Variants in BAZ2B observed in about 807,000 individuals in gnomAD.
The protein encoded by BAZ2B is bromodomain adjacent to zinc finger domain 2B.
In BAZ2B, 91 loss-of-function variants were observed where a neutral mutation model predicts 246.0. The ratio of observed to expected loss-of-function variants is 0.37; its 90% CI spans 0.31 to 0.44. The LOEUF is 0.44. Ranked by LOEUF, BAZ2B falls within the 20% of genes least tolerant of loss-of-function variation. The probability of loss-of-function intolerance (pLI) is 1.00; values close to 1 mark genes in which losing one functional copy is unlikely to be tolerated. For missense variants in BAZ2B, 2,332 were observed against 2,533.7 expected (o/e 0.92, Z 1.71); for synonymous variants, 855 against 860.0 (o/e 0.99, Z 0.10).
rs370164306 is a variant in BAZ2B, at chr2:159,415,629, A to G, written c.2467-3084T>C. ...AGTTAATTCCTTCAGTATGAAGGTT[A>G]AGGAAATTTTTAAAACGTGTTTTTC... On this transcript the variant is annotated intron_variant, in intron 13 of 36. Coordinates refer to ENST00000392783, the MANE Select transcript of BAZ2B (RefSeq NM_013450.4). 9.7e-4 allele frequency among the ~76,000 whole-genome samples: 147 copies of G among 152,268 alleles called. 5 individuals are homozygous for G. In the South Asian group the frequency reaches 0.03, roughly 31 times the overall value.
chr2:159,413,580 C>G lies in BAZ2B; in HGVS notation c.2467-1035G>C, dbSNP rs547508865. On this transcript the variant is annotated intron_variant, in intron 13 of 36. Transcript: ENST00000392783. ...AAAATCAGCTGGGTGTGGTGACAGG[C>G]ACCTGTAATCCCAGCTACTCGGGAG... 7.9e-5 allele frequency among the ~76,000 whole-genome samples: 12 copies of G among 152,156 alleles called. No individual in the cohort carries two copies. The South Asian group carries it at 2.5e-3, about 32-fold the overall frequency.
At chr2:159,658,994 G>C in the BAZ2B span, among the ~76,000 whole-genome samples, 1 of 152,112 alleles carries the variant, frequency 6.6e-6, no homozygotes, top group Admixed American at 6.6e-5. Context: ...GAGAGATTTT[G>C]ATCTGTACTT....
chr2:159,711,495 T>C, the BAZ2B span, among the ~76,000 whole-genome samples: 5 of 152,240 alleles, frequency 3.3e-5, no homozygotes, highest in Admixed American at 2.6e-4. Context: ...AGAAACACTG[T>C]GTTTCATTTA....
the BAZ2B span, among the ~76,000 whole-genome samples, chr2:159,680,926 A>C: frequency 1.3e-5 from 2 of 152,190 alleles, no homozygotes. Flanking sequence ...TAAATATATT[A>C]CAGTGTAACA....
chr2:159,567,741 C>T (rs1230870197), intron 1 of BAZ2B, among the ~76,000 whole-genome samples: 1 of 152,148 alleles, frequency 6.6e-6, no homozygotes, highest in African/African-American at 2.4e-5. Flanking sequence ...CAGGAGGCTG[C>T]AGCGGGCAGC....
At chr2:159,417,463 G>A (rs2067955617) in intron 13 of BAZ2B, among the ~76,000 whole-genome samples, 1 of 152,114 alleles carries the variant, frequency 6.6e-6, no homozygotes, top group Non-Finnish European at 1.5e-5. Context: ...GCGCCACCAA[G>A]CCTGGACAAG....
At position 159,512,354 on chromosome 2, in the gene BAZ2B, G is replaced by T. The variant is rs1255255053; in HGVS notation, c.-2-33633C>A. On this transcript the variant is annotated intron_variant, in intron 2 of 36. Coordinates refer to ENST00000392783, the MANE Select transcript of BAZ2B (RefSeq NM_013450.4). ...AAAATATGGCATTGTCACCTCAAAA[G>T]TAAGTATGTTTCAAAGAAAAACCAT... Among the ~76,000 whole-genome samples the T allele has an allele frequency of 2.0e-5, 3 of 152,244 alleles. No homozygotes were observed. In the East Asian group the frequency reaches 5.8e-4, roughly 29 times the overall value.
intron 3 of BAZ2B, 149 bp from the exon 4 acceptor site, chr2:159,453,950 C>A (rs2075405356): frequency 3.4e-6 from 2 of 596,278 alleles, no homozygotes; most frequent in Non-Finnish European, 4.9e-6. Flanking sequence ...CTCTTCAAAC[C>A]CTATAAAATG....
chr2:159,339,127 A>C (rs10174093), intron 31 of BAZ2B, among the ~76,000 whole-genome samples: 31,767 of 152,028 alleles, frequency 0.21, 3,404 homozygotes, highest in Middle Eastern at 0.27. Context: ...ACTCAGTAGA[A>C]TATTTATATT....
At chr2:159,632,034 T>C in the BAZ2B span, among the ~76,000 whole-genome samples, 147 of 152,262 alleles carry the variant, frequency 9.7e-4, 1 homozygote, top group Admixed American at 1.6e-3. Flanking sequence ...GCAGACAAAA[T>C]GAAGAGGGAA....
the BAZ2B span, among the ~76,000 whole-genome samples, chr2:159,639,509 G>A: frequency 1.3e-5 from 2 of 152,188 alleles, no homozygotes; most frequent in South Asian, 4.1e-4. Context: ...GTGAAACAAG[G>A]AGAAACCACA....
chr2:159,433,088 A>C lies in BAZ2B; in HGVS notation c.1569T>G (p.Ile523Met). The change falls in exon 9 of 37, where the codon ATT becomes ATG. Residue 523 changes from isoleucine to methionine, a missense_variant. Around this residue, in one of 9 missense-constraint regions of BAZ2B, gnomAD observed 651 missense variants for 650.9 expected, o/e 1.00. Transcript: ENST00000392783. ...TKMQSKINEN[I>M]AAASSTPFSS... ...AAAAAGGGGTGCTACTTGCAGCAGC[A>C]ATGTTTTCATTAATCTTGCTCTGCA... 6.2e-7 allele frequency: 1 copy of C among 1,614,214 alleles called. No homozygotes were observed. The highest frequency in any genetic ancestry group is 8.5e-7 in the Non-Finnish European group (1 of 1,180,034).
chr2:159,400,104 T>C (rs914428855), intron 17 of BAZ2B, among the ~76,000 whole-genome samples: 2 of 152,202 alleles, frequency 1.3e-5, no homozygotes, highest in African/African-American at 2.4e-5. Flanking sequence ...TGCCTATTAC[T>C]TTTGCTGTTG....
At chr2:159,563,660 G>C (rs1307434442) in intron 1 of BAZ2B, among the ~76,000 whole-genome samples, 1 of 152,106 alleles carries the variant, frequency 6.6e-6, no homozygotes, top group South Asian at 2.1e-4. Flanking sequence ...TAATTGCCAG[G>C]GACTAGGGGA....
At chr2:159,358,606 G>C (rs1225881744) in intron 27 of BAZ2B, among the ~76,000 whole-genome samples, 2 of 152,174 alleles carry the variant, frequency 1.3e-5, no homozygotes, top group Non-Finnish European at 2.9e-5. Flanking sequence ...TCTGGACCAA[G>C]AGGACCTAAT....
the BAZ2B span, among the ~76,000 whole-genome samples, chr2:159,676,980 A>G: frequency 7.9e-6 from 1 of 127,092 alleles, no homozygotes; most frequent in East Asian, 2.1e-4. Flanking sequence ...ATATATATAT[A>G]TATATATATA....
chr2:159,321,653 G>A (rs949721329), intron 36 of BAZ2B, among the ~76,000 whole-genome samples: 2 of 152,154 alleles, frequency 1.3e-5, no homozygotes, highest in African/African-American at 4.8e-5. Context: ...AATAAGCCAG[G>A]CACAGAAACA....
At chr2:159,448,005 A>G (rs2074495931) in intron 5 of BAZ2B, among the ~76,000 whole-genome samples, 1 of 151,856 alleles carries the variant, frequency 6.6e-6, no homozygotes, top group African/African-American at 2.4e-5. Context: ...GTGGTACATG[A>G]CTGTAGTCCT....
the BAZ2B span, among the ~76,000 whole-genome samples, chr2:159,679,000 C>T: frequency 6.6e-6 from 1 of 152,136 alleles, no homozygotes; most frequent in Non-Finnish European, 1.5e-5. Flanking sequence ...GGGCCGGGCG[C>T]GGTGGCTCAC....
Sources: gnomAD v4.1 joint callset for allele counts (sites outside exome capture counted in the v4.1 genomes callset) on GRCh38, gnomAD v4.1.1 for gene constraint, gnomAD v4.1.1 regional missense constraint, MANE v1.5 for transcripts, NCBI Gene and HGNC (gene_info 2026-07-23, HGNC 2026-07-21) for gene names.